The following NBAS variants were observed in gnomAD, a reference collection of about 807,000 sequenced individuals.
NBAS encodes the protein NAG/BC035112 fusion.
NBAS carries 219 observed loss-of-function variants against 302.5 expected under a neutral mutation model. The ratio of observed to expected loss-of-function variants is 0.72; its 90% CI spans 0.65 to 0.81. The LOEUF (loss-of-function observed/expected upper bound fraction) is 0.81, where lower values mean the gene tolerates loss of function less well. NBAS is among the 30% of genes least tolerant of loss of function. The pLI, the probability that NBAS is intolerant of heterozygous loss-of-function variation, is 0.00. For synonymous variants in NBAS, 1,118 were observed against 1,021.6 expected (o/e 1.09, Z -1.80); for missense variants, 2,932 against 2,841.6 (o/e 1.03, Z -0.72).
At chr2:15,235,335 C>A (rs912112714) in intron 45 of NBAS, among the ~76,000 whole-genome samples, 8 of 152,144 alleles carry the variant, frequency 5.3e-5, no homozygotes, top group Non-Finnish European at 1.2e-4. Context: ...AAGATTAGAA[C>A]CCAAAAGTCT....
At chr2:15,256,723 A>G (rs1389419620) in intron 44 of NBAS, among the ~76,000 whole-genome samples, 1 of 152,180 alleles carries the variant, frequency 6.6e-6, no homozygotes, top group African/African-American at 2.4e-5. Context: ...ACCTTGAGGT[A>G]TGTCCCTTAT....
chr2:15,321,934 T>C (rs12615801), intron 38 of NBAS, among the ~76,000 whole-genome samples: 77,272 of 152,030 alleles, frequency 0.51, 20,768 homozygotes, highest in East Asian at 0.85. Context: ...TAAAGACATA[T>C]GCACACGTAT....
the NBAS span, among the ~76,000 whole-genome samples, chr2:15,108,864 G>A: frequency 2.0e-5 from 3 of 152,122 alleles, no homozygotes; most frequent in East Asian, 1.9e-4. Context: ...TAGCATATAA[G>A]ATCAACCCAA....
At chr2:15,383,419 A>T (rs1375333152) in intron 28 of NBAS, 102 bp from the exon 29 acceptor site, 2 of 896,072 alleles carry the variant, frequency 2.2e-6, no homozygotes, top group Non-Finnish European at 3.7e-6. Flanking sequence ...TGGTACCACC[A>T]CTCTATATCC....
chr2:15,048,313 G>A, the NBAS span, among the ~76,000 whole-genome samples: 1 of 152,202 alleles, frequency 6.6e-6, no homozygotes, highest in African/African-American at 2.4e-5. Flanking sequence ...TGCTTGCAAA[G>A]TCCAATGTGC....
chr2:15,428,450 C>T (rs1244397070), intron 21 of NBAS, among the ~76,000 whole-genome samples: 1 of 152,148 alleles, frequency 6.6e-6, no homozygotes, highest in East Asian at 1.9e-4. Flanking sequence ...AAAATCTAGG[C>T]CTGGTATTGT....
chr2:14,826,568 C>T, the NBAS span, among the ~76,000 whole-genome samples: 1 of 152,334 alleles, frequency 6.6e-6, no homozygotes, highest in Non-Finnish European at 1.5e-5. Flanking sequence ...ATCTGTCTTC[C>T]TGTCCCTTTC....
rs1292772442 is a variant in NBAS, at chr2:15,388,203, T to C, written c.3258-4886A>G. On this transcript the variant is annotated intron_variant, in intron 28 of 51. Coordinates refer to ENST00000281513, the MANE Select transcript of NBAS (RefSeq NM_015909.4). ...ATGGATCTCAACAATGTTTCATAATTTTCATATATATACTTTTGCATATCT... is the reference window on the plus strand; with the variant it reads ...ATGGATCTCAACAATGTTTCATAATCTTCATATATATACTTTTGCATATCT... 3.3e-5 allele frequency among the ~76,000 whole-genome samples: 5 copies of C among 152,222 alleles called. No homozygotes were observed. In the South Asian group the frequency reaches 8.3e-4, roughly 25 times the overall value.
the NBAS span, among the ~76,000 whole-genome samples, chr2:14,992,081 T>C: frequency 1.3e-5 from 2 of 152,132 alleles, no homozygotes; most frequent in African/African-American, 2.4e-5. Context: ...AATGCTACAT[T>C]TTAGAAGCAG....
intron 46 of NBAS, 98 bp from the exon 47 acceptor site, chr2:15,232,609 G>A (rs1667427035): frequency 5.7e-6 from 6 of 1,058,608 alleles, no homozygotes; most frequent in African/African-American, 1.6e-5. Context: ...CTGGATTTTG[G>A]CACAGTATAC....
the NBAS span, among the ~76,000 whole-genome samples, chr2:14,921,279 T>C: frequency 6.6e-6 from 1 of 152,074 alleles, no homozygotes; most frequent in Non-Finnish European, 1.5e-5. Flanking sequence ...ATGAGTGTGG[T>C]TCATGGCACC....
chr2:15,406,968 GA>G (rs1177043414), intron 25 of NBAS, among the ~76,000 whole-genome samples: 1 of 152,140 alleles, frequency 6.6e-6, no homozygotes, highest in East Asian at 1.9e-4. Context: ...TCCTACTAAA[GA>G]AAAATTTGGC....
chr2:15,078,074 T>A, the NBAS span, among the ~76,000 whole-genome samples: 2 of 152,090 alleles, frequency 1.3e-5, no homozygotes, highest in Non-Finnish European at 2.9e-5. Flanking sequence ...AAAAGGCATT[T>A]TGGATGTAGG....
the NBAS span, among the ~76,000 whole-genome samples, chr2:14,806,534 C>G: frequency 2.6e-5 from 4 of 152,164 alleles, no homozygotes; most frequent in African/African-American, 9.7e-5. Flanking sequence ...CCTATTTATG[C>G]TCTGGACACA....
At chr2:14,782,471 G>T in the NBAS span, among the ~76,000 whole-genome samples, 5 of 152,280 alleles carry the variant, frequency 3.3e-5, no homozygotes, top group South Asian at 8.3e-4. Context: ...TGCTGGCAAG[G>T]TTGCAGAGAA....
At chr2:14,971,572 C>T in the NBAS span, among the ~76,000 whole-genome samples, 1 of 151,922 alleles carries the variant, frequency 6.6e-6, no homozygotes, top group African/African-American at 2.4e-5. Context: ...TTCTTAAATC[C>T]CTTCGTTTTC....
chr2:15,268,376 T>C (rs562348850), intron 44 of NBAS, among the ~76,000 whole-genome samples: 2 of 152,318 alleles, frequency 1.3e-5, no homozygotes, highest in Non-Finnish European at 2.9e-5. Context: ...GTGACTAGCC[T>C]GAGTTGATGT....
At chr2:15,281,573 T>A (rs1669826816) in intron 42 of NBAS, among the ~76,000 whole-genome samples, 1 of 152,152 alleles carries the variant, frequency 6.6e-6, no homozygotes, top group Non-Finnish European at 1.5e-5. Flanking sequence ...ACATATCAGG[T>A]ATTCTGAATA....
At chr2:15,422,123 G>A (rs528562731) in intron 23 of NBAS, among the ~76,000 whole-genome samples, 1 of 152,252 alleles carries the variant, frequency 6.6e-6, no homozygotes, top group South Asian at 2.1e-4. Context: ...TGCTCTGTCC[G>A]TTCATTCCTC....
Sources: allele counts gnomAD v4.1 joint callset (sites outside exome capture counted in the v4.1 genomes callset), GRCh38; gene constraint gnomAD v4.1.1; transcripts MANE v1.5; gene names NCBI Gene and HGNC (gene_info 2026-07-23, HGNC 2026-07-21).